Variants in PCDHGB4 observed in about 807,000 individuals in gnomAD.
PCDHGB4 encodes the protein protocadherin gamma subfamily B, 4.
Under a neutral mutation model 60.5 loss-of-function variants are expected in PCDHGB4, and 38 were observed. The observed-to-expected ratio is 0.63, with a 90% CI of 0.48 to 0.82. The LOEUF (loss-of-function observed/expected upper bound fraction) is 0.82. Among genes scored for constraint, PCDHGB4 ranks in the 40% least tolerant of loss-of-function variants. PCDHGB4 has a pLI of 0.00. For missense variants in PCDHGB4, 1,109 were observed against 1,209.6 expected, an observed-to-expected ratio of 0.92 and a Z score of 1.23; for synonymous variants, 456 against 509.7, an observed-to-expected ratio of 0.89 and a Z score of 1.42.
At chr5:141,479,936 T>C (rs532302710) in intron 1 of PCDHGB4, among the ~76,000 whole-genome samples, 97 of 152,340 alleles carry the variant, frequency 6.4e-4, no homozygotes, top group African/African-American at 2.2e-3. Flanking sequence ...ATCATTGCTA[T>C]CAACTCTTGG....
Position 141,490,765 on chromosome 5 carries a change from G to A in PCDHGB4, c.2398-4042G>A. The A allele has an allele frequency of 6.2e-7, 1 of 1,614,076 alleles. No individual in the cohort carries two copies. The highest frequency in any genetic ancestry group is 8.5e-7 in the Non-Finnish European group (1 of 1,179,914). ...AGCCCCAGCCTCCTCCTTTGTGTAT[G>A]TCAACCCAGAGGATGGACGGATCTT... On this transcript the variant is annotated intron_variant, in intron 1 of 3. Coordinates refer to ENST00000519479, the MANE Select transcript of PCDHGB4 (RefSeq NM_003736.4). This position sits in a 1 kb window ranked among gnomAD's most constrained non-coding sequence, Gnocchi z 5.4.
chr5:141,444,920 G>A (rs2098451595), intron 1 of PCDHGB4, among the ~76,000 whole-genome samples: 1 of 152,110 alleles, frequency 6.6e-6, no homozygotes, highest in Non-Finnish European at 1.5e-5. Context: ...ACCTTTATCA[G>A]GGAAAGAGGG....
chr5:141,485,033 T>C lies in PCDHGB4; in HGVS notation c.2398-9774T>C. 1 of 689,352 alleles carries C rather than the reference T, an allele frequency of 1.5e-6. No homozygotes were observed. The highest frequency in any genetic ancestry group is 2.5e-6 in the Non-Finnish European group (1 of 392,590). The allele number at this position is 689,352 out of a possible 1,614,324, so 42.7% of individuals were successfully genotyped here. On this transcript the variant is annotated intron_variant, in intron 1 of 3. Coordinates refer to ENST00000519479, the MANE Select transcript of PCDHGB4 (RefSeq NM_003736.4). This position sits in a 1 kb window ranked among gnomAD's most constrained non-coding sequence, Gnocchi z 5.7. ...CCCCGCCACCAGCAAAAACGGCGCG[T>C]AACCCTTGCGGCGCCGGCCGAACCG...
At chr5:141,424,610 ATAGAG>A (rs1374272828) in intron 1 of PCDHGB4, 2 of 152,216 alleles carry the variant, frequency 1.3e-5, no homozygotes, top group African/African-American at 4.8e-5. Flanking sequence ...ATTTATTCAA[ATAGAG>A]TAGTTTGTGA....
chr5:141,478,520 G>A, intron 1 of PCDHGB4: 1 of 1,610,510 alleles, frequency 6.2e-7, no homozygotes, highest in Non-Finnish European at 8.5e-7. Context: ...GCAGGTGTTG[G>A]GTGCAGAGAG....
Position 141,415,739 on chromosome 5 carries a change from GGTTTT to G in PCDHGB4, c.2397+25459_2397+25463del, listed in dbSNP as rs2095909931. ...ATGAGTAGAATTTGATGTTTATTAA[GGTTTT>G]TTTTTTTTTTTTTTTTTTTTTTTTT... On this transcript the variant is annotated intron_variant, in intron 1 of 3. Transcript: ENST00000519479. 124 of 435,052 alleles carry G rather than the reference GGTTTT, an allele frequency of 2.9e-4. No homozygotes were observed. The African/African-American group carries it at 3.6e-3, about 13-fold the overall frequency. 26.9% of individuals were successfully genotyped at this position (435,052 alleles called of 1,614,324 possible).
chr5:141,487,622 C>T lies in PCDHGB4; in HGVS notation c.2398-7185C>T. Reference sequence around the variant, plus strand: ...TCTTCTCTATGGGCTAGAGGTGAGACCTTTGCAGGCTCAACAAATGCTTGA... The same window carrying T: ...TCTTCTCTATGGGCTAGAGGTGAGATCTTTGCAGGCTCAACAAATGCTTGA... On this transcript the variant is annotated intron_variant, in intron 1 of 3. Coordinates refer to ENST00000519479, the MANE Select transcript of PCDHGB4 (RefSeq NM_003736.4). This position sits in a 1 kb window ranked among gnomAD's most constrained non-coding sequence, Gnocchi z 5.0. 1.2e-6 allele frequency: 2 copies of T among 1,614,174 alleles called. No homozygotes were observed. Among genetic ancestry groups the T allele is most frequent in the South Asian group, 1.1e-5 (1 of 91,084 alleles).
rs1314978831 is a variant in PCDHGB4, at chr5:141,389,578, TG to T, written c.1697del (p.Gly566ValfsTer21). 6.2e-7 allele frequency: 1 copy of T among 1,613,236 alleles called. No individual in the cohort carries two copies. Among genetic ancestry groups the T allele is most frequent in the South Asian group, 1.1e-5 (1 of 91,080 alleles). ...DNAPRVLYPA[L>X]GPDGSALFDM... is the part of the protein sequence containing the mutation. ...GCGCCACGGGTGCTGTACCCCGCGC[TG>T]GGTCCCGACGGCTCTGCGCTCTTCG... is the stretch of plus-strand genomic sequence containing the variant. On this transcript the variant is annotated frameshift_variant, in exon 1 of 4. Coordinates refer to ENST00000519479, the MANE Select transcript of PCDHGB4 (RefSeq NM_003736.4). LOFTEE classifies it high-confidence loss of function.
intron 1 of PCDHGB4, among the ~76,000 whole-genome samples, chr5:141,482,052 T>G (rs2099551017): frequency 6.7e-6 from 1 of 150,154 alleles, no homozygotes; most frequent in Non-Finnish European, 1.5e-5. Flanking sequence ...GCTGTTGCAT[T>G]CCAGCCTGGG....
chr5:141,450,556 G>A lies in PCDHGB4; in HGVS notation c.2398-44251G>A, dbSNP rs534127421. Among the ~76,000 whole-genome samples, 5 of 151,822 alleles carry A rather than the reference G, an allele frequency of 3.3e-5. 1 individual carries two copies. Among genetic ancestry groups the A allele is most frequent in the South Asian group, 2.1e-4 (1 of 4,804 alleles). On this transcript the variant is annotated intron_variant, in intron 1 of 3. Transcript: ENST00000519479. ...GGCTGGAATGCAGTGGCGCAGTCTCGGCTCACTGCAACTTCTGCCTCCCAG... is the reference window on the plus strand; with the variant it reads ...GGCTGGAATGCAGTGGCGCAGTCTCAGCTCACTGCAACTTCTGCCTCCCAG...
intron 1 of PCDHGB4, chr5:141,421,172 G>T: frequency 7.3e-7 from 1 of 1,366,164 alleles, no homozygotes. Flanking sequence ...AGATACATAA[G>T]CCGATTCACA....
rs991408001 is a variant in PCDHGB4, at chr5:141,450,171, C to G, written c.2398-44636C>G. Among the ~76,000 whole-genome samples, 5 of 151,690 alleles carry G rather than the reference C, an allele frequency of 3.3e-5. No individual in the cohort carries two copies. In the East Asian group the frequency reaches 7.8e-4, roughly 24 times the overall value. ...ACAGGCATGTGCCACCACACTCCCACCACACCCAGCTAATTTTTGTATTTT... is the reference window on the plus strand; with the variant it reads ...ACAGGCATGTGCCACCACACTCCCAGCACACCCAGCTAATTTTTGTATTTT... On this transcript the variant is annotated intron_variant, in intron 1 of 3. Transcript: ENST00000519479.
At position 141,432,716 on chromosome 5, in the gene PCDHGB4, C is replaced by A; in HGVS notation, c.2397+42435C>A. 6.2e-7 allele frequency: 1 copy of A among 1,614,030 alleles called. No individual in the cohort carries two copies. The highest frequency in any genetic ancestry group is 1.1e-5 in the South Asian group (1 of 91,084). ...GGCCGTCCAGGACCACGGCCAGCCC[C>A]CTCTCTCCGCCACTGTCACGCTCAC... On this transcript the variant is annotated intron_variant, in intron 1 of 3. Transcript: ENST00000519479. This position sits in a 1 kb window ranked among gnomAD's most constrained non-coding sequence, Gnocchi z 6.0.
At chr5:141,392,349 A>T (rs60903062) in intron 1 of PCDHGB4, 6,500 of 152,632 alleles carry the variant, frequency 0.043, 224 homozygotes, top group African/African-American at 0.093. Context: ...GAGTAATTTA[A>T]TCCGATGCTA....
At chr5:141,419,886 G>C (rs1195529127) in intron 1 of PCDHGB4, 1 of 1,614,076 alleles carries the variant, frequency 6.2e-7, no homozygotes, top group Non-Finnish European at 8.5e-7. Context: ...CCGGATTTCA[G>C]CGACCATCCC....
chr5:141,408,624 A>G, intron 1 of PCDHGB4: 1 of 1,614,016 alleles, frequency 6.2e-7, no homozygotes, highest in Non-Finnish European at 8.5e-7. Flanking sequence ...ATACATTTAG[A>G]AATTTTCGAA....
intron 1 of PCDHGB4, chr5:141,430,898 G>A: frequency 6.2e-7 from 1 of 1,605,834 alleles, no homozygotes; most frequent in East Asian, 2.2e-5. Flanking sequence ...TAGGGTGGGC[G>A]ACATCTCCAG....
chr5:141,449,067 T>A lies in PCDHGB4; in HGVS notation c.2398-45740T>A, dbSNP rs547833131. On this transcript the variant is annotated intron_variant, in intron 1 of 3. Transcript: ENST00000519479. ...AGTCTCATAAATGAGCGCTATTGAA[T>A]AGCCCTGTACCTACATCAGTTTTTA... Among the ~76,000 whole-genome samples the A allele has an allele frequency of 3.3e-5, 5 of 152,342 alleles. No homozygotes were observed. In the East Asian group the frequency reaches 9.6e-4, roughly 29 times the overall value.
intron 1 of PCDHGB4, chr5:141,403,838 G>C: frequency 6.2e-7 from 1 of 1,613,710 alleles, no homozygotes; most frequent in Non-Finnish European, 8.5e-7. Context: ...CCAGCTTAAT[G>C]AAAATACTGG....
Sources: gnomAD v4.1 joint callset for allele counts (sites outside exome capture counted in the v4.1 genomes callset) on GRCh38, gnomAD v4.1.1 for gene constraint, Gnocchi (gnomAD v3.1) non-coding constraint, MANE v1.5 for transcripts, NCBI Gene and HGNC (gene_info 2026-07-23, HGNC 2026-07-21) for gene names.